The following OR52E2 variants were observed in gnomAD, a reference collection of about 807,000 sequenced individuals.
OR52E2 encodes olfactory receptor family 52 subfamily E member 2.
For synonymous variants in OR52E2, 130 were observed against 143.9 expected, an observed-to-expected ratio of 0.90 and a Z score of 0.69; for missense variants, 443 against 403.9, an observed-to-expected ratio of 1.10 and a Z score of -0.83.
rs908687879 is a variant in OR52E2 at position 5,058,684 on chromosome 11, T to A, written c.944A>T (p.Glu315Val). The change falls in exon 1 of 1, where the codon GAA (glutamate) becomes GTA (valine). Residue 315 changes from glutamate to valine, a missense_variant. Coordinates refer to ENST00000321522, the MANE Select transcript of OR52E2 (RefSeq NM_001005164.2). ...KKILLQEQGM[E>V]KEEYLIHTRF Reference sequence around the variant, plus strand: ...CGTATGTATTAGGTACTCTTCCTTTTCCATTCCTTGTTCCTGCAATAATAT... The same window carrying A: ...CGTATGTATTAGGTACTCTTCCTTTACCATTCCTTGTTCCTGCAATAATAT... 1 of 1,501,392 alleles carries A rather than the reference T, an allele frequency of 6.7e-7. No homozygotes were observed. Among genetic ancestry groups the A allele is most frequent in the Middle Eastern group, 1.8e-4 (1 of 5,574 alleles). The allele number at this position is 1,501,392 out of a possible 1,614,324, so 93.0% of individuals were successfully genotyped here. A position where few individuals can be genotyped will look rare whatever the true frequency, so the allele number is the denominator to read the frequency against.
rs1847679945 is a variant in OR52E2 at position 5,058,878 on chromosome 11, A to C, written c.750T>G (p.Leu250=). The part of the protein sequence containing the change: ...STCGSHVCVI[L]AFYTPALFSF... The stretch of plus-strand genomic sequence containing the variant: ...AAAAGAGGGCTGGTGTATAGAAGGC[A>C]AGGATTACACACACATGTGAACCAC... Residue 250 remains leucine, a synonymous_variant, in exon 1 of 1, where the codon CTT becomes CTG. Coordinates refer to ENST00000321522, the MANE Select transcript of OR52E2 (RefSeq NM_001005164.2). 2 of 1,575,412 alleles carry C rather than the reference A, an allele frequency of 1.3e-6. No individual in the cohort carries two copies. The highest frequency in any genetic ancestry group is 1.7e-6 in the Non-Finnish European group (2 of 1,162,774).
rs1339140434 is a variant in OR52E2, at chr11:5,059,083, T to C, written c.545A>G (p.Glu182Gly). 6.2e-7 allele frequency: 1 copy of C among 1,613,108 alleles called. No individual in the cohort carries two copies. Among genetic ancestry groups the C allele is most frequent in the South Asian group, 1.1e-5 (1 of 90,928 alleles). ...GNHVIPHTYC[E>G]HMGLAHLSCA... Reference sequence around the variant, plus strand: ...AGATAGATGAGCAAGACCCATGTGCTCACAGTAGGTGTGGGGAATTACATG... The same window carrying C: ...AGATAGATGAGCAAGACCCATGTGCCCACAGTAGGTGTGGGGAATTACATG... Residue 182 changes from glutamate to glycine, a missense_variant, in exon 1 of 1, where the codon GAG (glutamate) becomes GGG (glycine). By Grantham distance (98) the Glu-to-Gly change is moderately conservative (BLOSUM62 -2). Transcript: ENST00000321522.
Position 5,059,611 on chromosome 11 carries a change from T to G in OR52E2, c.17A>C (p.Asp6Ala). 6.2e-7 allele frequency: 1 copy of G among 1,602,218 alleles called. No individual in the cohort carries two copies. Among genetic ancestry groups the G allele is most frequent in the South Asian group, 1.1e-5 (1 of 89,324 alleles). Reference protein sequence around the residue: MFLPNDTQFHPSSFLL... With the variant: MFLPNATQFHPSSFLL... ...GAAGGAGGAGGGGTGAAACTGGGTG[T>G]CATTGGGAAGGAACATCCTGCTTGT... Residue 6 changes from aspartate (D) to alanine (A), a missense_variant, in exon 1 of 1, where the codon GAC becomes GCC. By Grantham distance (126) the Asp-to-Ala change is moderately radical. Transcript: ENST00000321522.
In OR52E2 at chr11:5,059,179, A is replaced by G. The variant is rs1554901172; in HGVS notation, c.449T>C (p.Val150Ala). 6.2e-7 allele frequency: 1 copy of G among 1,613,666 alleles called. No individual in the cohort carries two copies. Residue 150 changes from valine to alanine, a missense_variant, in exon 1 of 1, where the codon GTG becomes GCG. By Grantham distance (64) the Val-to-Ala change is moderately conservative. Coordinates refer to ENST00000321522, the MANE Select transcript of OR52E2 (RefSeq NM_001005164.2). Reference sequence around the variant, plus strand: ...GACGAAAATTAAAGCCCTCACAAACACACCAAGACCAATCACAGAAACAAC... The same window carrying G: ...GACGAAAATTAAAGCCCTCACAAACGCACCAAGACCAATCACAGAAACAAC... Reference protein sequence around the residue: ...NKVVSVIGLGVFVRALIFVIP... With the variant: ...NKVVSVIGLGAFVRALIFVIP...
rs1847690686 is a variant in OR52E2, at chr11:5,059,421, G to A, written c.207C>T (p.Ala69=). ...QPMFYFLAML[A]TTDVGLSTAT... Reference sequence around the variant, plus strand: ...CTGTTGAGAGACCCACATCAGTGGTGGCCAACATGGCCAGGAAGTAGAACA... The same window carrying A: ...CTGTTGAGAGACCCACATCAGTGGTAGCCAACATGGCCAGGAAGTAGAACA... The change falls in exon 1 of 1, where the codon GCC becomes GCT. Residue 69 remains alanine, a synonymous_variant. Transcript: ENST00000321522. 1 of 1,613,662 alleles carries A rather than the reference G, an allele frequency of 6.2e-7. No individual in the cohort carries two copies. The highest frequency in any genetic ancestry group is 1.1e-5 in the South Asian group (1 of 91,040).
rs2133700642 is a variant in OR52E2 at position 5,058,870 on chromosome 11, T to C, written c.758A>G (p.Tyr253Cys). The C allele has an allele frequency of 2.5e-6, 4 of 1,574,860 alleles. No individual in the cohort carries two copies. The East Asian group carries it at 6.7e-5, about 26-fold the overall frequency. The change falls in exon 1 of 1, where the codon TAT (tyrosine) becomes TGT (cysteine). Residue 253 changes from tyrosine to cysteine, a missense_variant. Coordinates refer to ENST00000321522, the MANE Select transcript of OR52E2 (RefSeq NM_001005164.2). ...GSHVCVILAFYTPALFSFMTH... is the reference protein window; with the variant it reads ...GSHVCVILAFCTPALFSFMTH... ...CATAAAGGAAAAGAGGGCTGGTGTA[T>C]AGAAGGCAAGGATTACACACACATG...
In OR52E2 at chr11:5,059,446, A is replaced by G. The variant is rs1193009611; in HGVS notation, c.182T>C (p.Met61Thr). The G allele has an allele frequency of 1.9e-6, 3 of 1,613,822 alleles. No homozygotes were observed. Among genetic ancestry groups the G allele is most frequent in the African/African-American group, 2.7e-5 (2 of 74,912 alleles). Residue 61 changes from methionine (M) to threonine (T), a missense_variant, in exon 1 of 1, where the codon ATG becomes ACG. Met to Thr is a moderately conservative substitution (Grantham distance 81). Transcript: ENST00000321522. ...IKTDSSLHQPMFYFLAMLATT... is the reference protein window; with the variant it reads ...IKTDSSLHQPTFYFLAMLATT... Reference sequence around the variant, plus strand: ...GGCCAACATGGCCAGGAAGTAGAACATGGGCTGGTGTAGGCTGCTGTCAGT... The same window carrying G: ...GGCCAACATGGCCAGGAAGTAGAACGTGGGCTGGTGTAGGCTGCTGTCAGT...
chr11:5,059,244 G>A lies in OR52E2; in HGVS notation c.384C>T (p.Ile128=), dbSNP rs1199200038. The A allele has an allele frequency of 6.2e-6, 10 of 1,613,770 alleles. No individual in the cohort carries two copies. Among genetic ancestry groups the A allele is most frequent in the Non-Finnish European group, 8.5e-6 (10 of 1,179,922 alleles). Reference sequence around the variant, plus strand: ...TGGCGCTATATTGGAGTGGATTGCAGATGGCCACATAGCTGTCATAAGCCA... The same window carrying A: ...TGGCGCTATATTGGAGTGGATTGCAAATGGCCACATAGCTGTCATAAGCCA... ...VAMAYDSYVA[I]CNPLQYSAIL... Residue 128 remains isoleucine, a synonymous_variant, in exon 1 of 1, where the codon ATC becomes ATT. Coordinates refer to ENST00000321522, the MANE Select transcript of OR52E2 (RefSeq NM_001005164.2).
Position 5,058,961 on chromosome 11 carries a change from G to A in OR52E2, c.667C>T (p.Leu223Phe). 6.2e-7 allele frequency: 1 copy of A among 1,611,296 alleles called. No individual in the cohort carries two copies. The highest frequency in any genetic ancestry group is 8.5e-7 in the Non-Finnish European group (1 of 1,178,716). ...TVIALSYVHILCAVFRLPTHE... is the reference protein window; with the variant it reads ...TVIALSYVHIFCAVFRLPTHE... ...GTAGGAAGACGGAAAACAGCACAAAGAATATGCACATAAGAAAGGGCAATG... is the reference window on the plus strand; with the variant it reads ...GTAGGAAGACGGAAAACAGCACAAAAAATATGCACATAAGAAAGGGCAATG... The change falls in exon 1 of 1, where the codon CTT becomes TTT. Residue 223 changes from leucine to phenylalanine, a missense_variant. Transcript: ENST00000321522.
chr11:5,059,082 C>T lies in OR52E2; in HGVS notation c.546G>A (p.Glu182=), dbSNP rs768909055. 1.4e-5 allele frequency: 22 copies of T among 1,613,014 alleles called. No homozygotes were observed. Among genetic ancestry groups the T allele is most frequent in the Non-Finnish European group, 1.8e-5 (21 of 1,179,618 alleles). The stretch of plus-strand genomic sequence containing the variant: ...AAGATAGATGAGCAAGACCCATGTG[C>T]TCACAGTAGGTGTGGGGAATTACAT... The part of the protein sequence containing the change: ...GNHVIPHTYC[E]HMGLAHLSCA... Residue 182 remains glutamate, a synonymous_variant, in exon 1 of 1, where the codon GAG becomes GAA. Coordinates refer to ENST00000321522, the MANE Select transcript of OR52E2 (RefSeq NM_001005164.2).
In OR52E2 at chr11:5,059,122, G is replaced by A; in HGVS notation, c.506C>T (p.Pro169Leu). Residue 169 changes from proline to leucine, a missense_variant, in exon 1 of 1, where the codon CCC (proline) becomes CTC (leucine). By Grantham distance (98) the Pro-to-Leu change is moderately conservative. Transcript: ENST00000321522. ...IPSILLILRL[P>L]FCGNHVIPHT... ...GGGAATTACATGATTCCCACAGAAG[G>A]GCAACCGCAATATAAGAAGTATAGA... 6.2e-7 allele frequency: 1 copy of A among 1,613,474 alleles called. No individual in the cohort carries two copies. The highest frequency in any genetic ancestry group is 1.1e-5 in the South Asian group (1 of 90,962).
Position 5,059,115 on chromosome 11 carries a change from A to T in OR52E2, c.513T>A (p.Cys171Ter). 1 of 1,613,524 alleles carries T rather than the reference A, an allele frequency of 6.2e-7. No homozygotes were observed. The highest frequency in any genetic ancestry group is 8.5e-7 in the Non-Finnish European group (1 of 1,179,832). The stretch of plus-strand genomic sequence containing the variant: ...AGGTGTGGGGAATTACATGATTCCC[A>T]CAGAAGGGCAACCGCAATATAAGAA... ...SILLILRLPF[C>*]GNHVIPHTYC... The change falls in exon 1 of 1, where the codon TGT (cysteine) becomes TGA (stop). Residue 171 changes from cysteine (C) to a stop codon, truncating the protein, a stop_gained. Coordinates refer to ENST00000321522, the MANE Select transcript of OR52E2 (RefSeq NM_001005164.2). LOFTEE classifies it low-confidence loss of function (END_TRUNC).
chr11:5,058,684 T>C lies in OR52E2; in HGVS notation c.944A>G (p.Glu315Gly), dbSNP rs908687879. ...KKILLQEQGM[E>G]KEEYLIHTRF The stretch of plus-strand genomic sequence containing the variant: ...CGTATGTATTAGGTACTCTTCCTTT[T>C]CCATTCCTTGTTCCTGCAATAATAT... Residue 315 changes from glutamate to glycine, a missense_variant, in exon 1 of 1, where the codon GAA (glutamate) becomes GGA (glycine). Transcript: ENST00000321522. 2 of 1,501,274 alleles carry C rather than the reference T, an allele frequency of 1.3e-6. No homozygotes were observed. The highest frequency in any genetic ancestry group is 1.4e-5 in the African/African-American group (1 of 71,610). The allele number at this position is 1,501,274 out of a possible 1,614,324, so 93.0% of individuals were successfully genotyped here.
Position 5,059,109 on chromosome 11 carries a change from A to T in OR52E2, c.519T>A (p.Asn173Lys). 1 of 1,613,304 alleles carries T rather than the reference A, an allele frequency of 6.2e-7. No individual in the cohort carries two copies. Residue 173 changes from asparagine to lysine, a missense_variant, in exon 1 of 1, where the codon AAT becomes AAA. Asn to Lys is a moderately conservative substitution (Grantham distance 94, BLOSUM62 0). Coordinates refer to ENST00000321522, the MANE Select transcript of OR52E2 (RefSeq NM_001005164.2). Reference sequence around the variant, plus strand: ...CACAGTAGGTGTGGGGAATTACATGATTCCCACAGAAGGGCAACCGCAATA... The same window carrying T: ...CACAGTAGGTGTGGGGAATTACATGTTTCCCACAGAAGGGCAACCGCAATA... ...LLILRLPFCG[N>K]HVIPHTYCEH...
In OR52E2 at chr11:5,059,181, A is replaced by T. The variant is rs1246881147; in HGVS notation, c.447T>A (p.Gly149=). The T allele has an allele frequency of 6.2e-7, 1 of 1,613,740 alleles. No individual in the cohort carries two copies. Among genetic ancestry groups the T allele is most frequent in the South Asian group, 1.1e-5 (1 of 91,018 alleles). The change falls in exon 1 of 1, where the codon GGT becomes GGA. Residue 149 remains glycine, a synonymous_variant. Transcript: ENST00000321522. ...TNKVVSVIGL[G]VFVRALIFVI... is the part of the protein sequence containing the mutation. ...CGAAAATTAAAGCCCTCACAAACAC[A>T]CCAAGACCAATCACAGAAACAACCT...
In OR52E2 at chr11:5,058,955, C is replaced by A; in HGVS notation, c.673G>T (p.Ala225Ser). 5 of 1,609,150 alleles carry A rather than the reference C, an allele frequency of 3.1e-6. No homozygotes were observed. The highest frequency in any genetic ancestry group is 4.2e-6 in the Non-Finnish European group (5 of 1,177,816). Reference protein sequence around the residue: ...IALSYVHILCAVFRLPTHEAR... With the variant: ...IALSYVHILCSVFRLPTHEAR... The stretch of plus-strand genomic sequence containing the variant: ...TCATGAGTAGGAAGACGGAAAACAG[C>A]ACAAAGAATATGCACATAAGAAAGG... Residue 225 changes from alanine to serine, a missense_variant, in exon 1 of 1, where the codon GCT becomes TCT. Ala to Ser is a moderately conservative substitution (Grantham distance 99, BLOSUM62 1). Transcript: ENST00000321522.
In OR52E2 at chr11:5,059,205, C is replaced by T. The variant is rs755313495; in HGVS notation, c.423G>A (p.Lys141=). 2.5e-6 allele frequency: 4 copies of T among 1,613,550 alleles called. No individual in the cohort carries two copies. In the South Asian group the frequency reaches 3.3e-5, roughly 13 times the overall value. ...PLQYSAILTN[K]VVSVIGLGVF... ...CACCAAGACCAATCACAGAAACAAC[C>T]TTGTTGGTGAGGATGGCGCTATATT... The change falls in exon 1 of 1, where the codon AAG becomes AAA. Residue 141 remains lysine, a synonymous_variant. Transcript: ENST00000321522.
chr11:5,058,690 C>T lies in OR52E2; in HGVS notation c.938G>A (p.Gly313Glu), dbSNP rs757530327. Residue 313 changes from glycine (G) to glutamate (E), a missense_variant, in exon 1 of 1, where the codon GGA becomes GAA. Transcript: ENST00000321522. ...TATTAGGTACTCTTCCTTTTCCATT[C>T]CTTGTTCCTGCAATAATATTTTCTT... ...CVKKILLQEQ[G>E]MEKEEYLIHT... 6.7e-7 allele frequency: 1 copy of T among 1,503,392 alleles called. No homozygotes were observed. Among genetic ancestry groups the T allele is most frequent in the East Asian group, 2.3e-5 (1 of 44,032 alleles). The allele number at this position is 1,503,392 out of a possible 1,614,324, so 93.1% of individuals were successfully genotyped here. A position where few individuals can be genotyped will look rare whatever the true frequency, so the allele number is the denominator to read the frequency against.
At position 5,059,038 on chromosome 11, in the gene OR52E2, T is replaced by C. The variant is rs746131550; in HGVS notation, c.590A>G (p.Asn197Ser). ...AATGGCACATAAACCATAAATAATA[T>C]TGATTTTGATGCTGGCACAAGATAG... ...AHLSCASIKI[N>S]IIYGLCAICN... is the part of the protein sequence containing the mutation. The change falls in exon 1 of 1, where the codon AAT becomes AGT. Residue 197 changes from asparagine to serine, a missense_variant. By Grantham distance (46) the Asn-to-Ser change is conservative (BLOSUM62 1). Coordinates refer to ENST00000321522, the MANE Select transcript of OR52E2 (RefSeq NM_001005164.2). 3.7e-6 allele frequency: 6 copies of C among 1,613,572 alleles called. No homozygotes were observed. Among genetic ancestry groups the C allele is most frequent in the Non-Finnish European group, 5.1e-6 (6 of 1,179,908 alleles).
Sources: allele counts gnomAD v4.1 joint callset, GRCh38; gene constraint gnomAD v4.1.1; transcripts MANE v1.5; gene names NCBI Gene and HGNC (gene_info 2026-07-23, HGNC 2026-07-21).